HS3ST4: variants seen among roughly 807,000 people sequenced by gnomAD.
The protein encoded by HS3ST4 is heparan sulfate-glucosamine 3-sulfotransferase 4.
Under a neutral mutation model 29.2 loss-of-function variants are expected in HS3ST4, and 17 were observed. The observed-to-expected ratio is 0.58, with a 90% confidence interval of 0.40 to 0.87. HS3ST4 has a LOEUF of 0.87. Among genes scored for constraint, HS3ST4 ranks in the 40% least tolerant of loss-of-function variants. The probability of loss-of-function intolerance (pLI) is 0.00; values close to 1 mark genes in which losing one functional copy is unlikely to be tolerated. For missense variants in HS3ST4, 627 were observed against 634.5 expected, an observed-to-expected ratio of 0.99 and a Z score of 0.13; for synonymous variants, 314 against 285.7, an observed-to-expected ratio of 1.10 and a Z score of -1.00.
chr16:26,136,241 A>T lies in HS3ST4; in HGVS notation c.1364A>T (p.Asp455Val). Reference sequence around the variant, plus strand: ...TTTCAGTGGGAACAGGAAGAGGGTGATAAATGAGGCTAGAGAGGCAGAGGA... The same window carrying T: ...TTTCAGTGGGAACAGGAAGAGGGTGTTAAATGAGGCTAGAGAGGCAGAGGA... The part of the protein sequence containing the change: ...QDFQWEQEEG[D>V]K Residue 455 changes from aspartate (D) to valine (V), a missense_variant, in exon 2 of 2, where the codon GAT (aspartate) becomes GTT (valine). Transcript: ENST00000331351. The T allele has an allele frequency of 6.2e-7, 1 of 1,611,864 alleles. No individual in the cohort carries two copies. Among genetic ancestry groups the T allele is most frequent in the African/African-American group, 1.3e-5 (1 of 75,050 alleles).
intron 1 of HS3ST4, among the ~76,000 whole-genome samples, chr16:26,097,493 T>C (rs1309207284): frequency 1.3e-5 from 2 of 152,240 alleles, no homozygotes; most frequent in African/African-American, 2.4e-5. Flanking sequence ...AAGGATTCCC[T>C]ATTTAATAAA....
intron 1 of HS3ST4, among the ~76,000 whole-genome samples, chr16:26,023,481 C>T (rs1299268958): frequency 6.6e-6 from 1 of 151,832 alleles, no homozygotes; most frequent in Non-Finnish European, 1.5e-5. Flanking sequence ...CCCACTGCAA[C>T]CTCAAACTCC....
At chr16:26,125,238 GGCACCAC>G (rs1899326036) in intron 1 of HS3ST4, among the ~76,000 whole-genome samples, 1 of 152,190 alleles carries the variant, frequency 6.6e-6, no homozygotes, top group African/African-American at 2.4e-5. Flanking sequence ...TCTCCAAACT[GGCACCAC>G]GGACCAGTTT....
chr16:25,863,500 T>C (rs1312516523), intron 1 of HS3ST4, among the ~76,000 whole-genome samples: 1 of 152,210 alleles, frequency 6.6e-6, no homozygotes, highest in African/African-American at 2.4e-5. Context: ...TAAGTAGAGC[T>C]TCTTGGGTCT....
At chr16:26,079,928 A>G (rs565757928) in intron 1 of HS3ST4, among the ~76,000 whole-genome samples, 6 of 152,342 alleles carry the variant, frequency 3.9e-5, no homozygotes, top group Non-Finnish European at 7.4e-5. Context: ...TTGGGGAGCC[A>G]ATATTCATGA....
intron 1 of HS3ST4, among the ~76,000 whole-genome samples, chr16:25,803,916 T>C (rs1252453350): frequency 2.0e-5 from 3 of 152,082 alleles, no homozygotes; most frequent in African/African-American, 7.2e-5. Flanking sequence ...CAGTGAGTCC[T>C]TTCATTTTTC....
At chr16:25,955,590 A>G (rs375098324) in intron 1 of HS3ST4, among the ~76,000 whole-genome samples, 1 of 152,122 alleles carries the variant, frequency 6.6e-6, no homozygotes, top group African/African-American at 2.4e-5. Flanking sequence ...GCTAACCCCC[A>G]TGCTCTGAGA....
intron 1 of HS3ST4, among the ~76,000 whole-genome samples, chr16:25,915,260 G>A (rs1040454540): frequency 1.3e-5 from 2 of 152,088 alleles, no homozygotes; most frequent in African/African-American, 2.4e-5. Context: ...GGGTTCCACC[G>A]CGGAGCATCT....
chr16:25,872,322 G>A (rs1344089802), intron 1 of HS3ST4, among the ~76,000 whole-genome samples: 6 of 152,140 alleles, frequency 3.9e-5, no homozygotes, highest in African/African-American at 1.4e-4. Context: ...GTGGCTACTC[G>A]TGATTCTCTG....
At chr16:25,991,131 T>C (rs1211513451) in intron 1 of HS3ST4, among the ~76,000 whole-genome samples, 1 of 151,214 alleles carries the variant, frequency 6.6e-6, no homozygotes, top group Non-Finnish European at 1.5e-5. Flanking sequence ...CTCAGCATGC[T>C]CTCCAAGTCC....
intron 1 of HS3ST4, among the ~76,000 whole-genome samples, chr16:25,926,185 C>G (rs982127238): frequency 4.6e-5 from 7 of 152,164 alleles, no homozygotes; most frequent in Non-Finnish European, 8.8e-5. Context: ...ACCTTCTCCC[C>G]CAAAAGATCT....
chr16:26,014,142 AAAT>A (rs1969340929), intron 1 of HS3ST4, among the ~76,000 whole-genome samples: 1 of 152,040 alleles, frequency 6.6e-6, no homozygotes, highest in Non-Finnish European at 1.5e-5. Context: ...TTCTCATCTG[AAAT>A]AATATGAAAT....
At chr16:25,899,671 A>ATTTTTT (rs561490560) in intron 1 of HS3ST4, among the ~76,000 whole-genome samples, 1 of 142,900 alleles carries the variant, frequency 7.0e-6, no homozygotes, top group Non-Finnish European at 1.5e-5. Context: ...ACGCTCAGCT[A>ATTTTTT]TTTTTTTTTT....
At chr16:25,820,278 A>C (rs1343770987) in intron 1 of HS3ST4, among the ~76,000 whole-genome samples, 4 of 152,122 alleles carry the variant, frequency 2.6e-5, no homozygotes, top group African/African-American at 9.7e-5. Flanking sequence ...AGGGCCTCTG[A>C]AGAAGGCAAA....
chr16:25,880,373 C>T (rs1410742500), intron 1 of HS3ST4, among the ~76,000 whole-genome samples: 1 of 152,148 alleles, frequency 6.6e-6, no homozygotes, highest in Non-Finnish European at 1.5e-5. Context: ...TGAATGAACT[C>T]AGAGTGGCAG....
At chr16:26,087,967 G>C (rs1334129509) in intron 1 of HS3ST4, among the ~76,000 whole-genome samples, 2 of 152,138 alleles carry the variant, frequency 1.3e-5, no homozygotes, top group East Asian at 3.9e-4. Context: ...AAACAAAATA[G>C]TTTTGATTAT....
At chr16:25,725,033 CTTTTTTT>C (rs5816321) in intron 1 of HS3ST4, among the ~76,000 whole-genome samples, 1 of 132,676 alleles carries the variant, frequency 7.5e-6, no homozygotes. Flanking sequence ...CTTCCTCCCT[CTTTTTTT>C]TTTTTTTTTT....
At chr16:25,897,690 C>T (rs868832401) in intron 1 of HS3ST4, among the ~76,000 whole-genome samples, 26 of 152,046 alleles carry the variant, frequency 1.7e-4, no homozygotes, top group African/African-American at 6.3e-4. Flanking sequence ...AGCTTCCTCT[C>T]TCTCCCCCTT....
chr16:26,081,407 A>G (rs974100199), intron 1 of HS3ST4, among the ~76,000 whole-genome samples: 2 of 152,220 alleles, frequency 1.3e-5, no homozygotes, highest in African/African-American at 4.8e-5. Context: ...TTCACTCAAC[A>G]GATATTTACT....
Sources: gnomAD v4.1 joint callset for allele counts (sites outside exome capture counted in the v4.1 genomes callset) on GRCh38, gnomAD v4.1.1 for gene constraint, MANE v1.5 for transcripts, NCBI Gene and HGNC (gene_info 2026-07-23, HGNC 2026-07-21) for gene names.